SFSWAP: variants seen among roughly 807,000 people sequenced by gnomAD.
SFSWAP encodes the protein splicing factor SWAP.
A neutral mutation model predicts 100.7 loss-of-function variants in SFSWAP; 17 were observed. The ratio of observed to expected loss-of-function variants is 0.17; its 90% CI spans 0.12 to 0.25. SFSWAP has a LOEUF of 0.25. SFSWAP is among the 10% of genes least tolerant of loss of function. The pLI is 1.00. For synonymous variants in SFSWAP, 504 were observed against 510.1 expected (o/e 0.99, Z 0.16); for missense variants, 1,005 against 1,262.6 (o/e 0.80, Z 3.09).
rs930684970 is a variant in SFSWAP, at chr12:131,734,318, G to C, written c.1081+5890G>C. ...AAAGTTACAGACTTTGGATTCTTAC[G>C]AAGACAAGAATGAATGTCTTGGCTA... is the stretch of plus-strand genomic sequence containing the variant. On this transcript the variant is annotated intron_variant, in intron 7 of 17. Transcript: ENST00000261674. This position sits in a 1 kb window ranked among gnomAD's most constrained non-coding sequence, Gnocchi z 4.9. 2.6e-5 allele frequency among the ~76,000 whole-genome samples: 4 copies of C among 152,196 alleles called. No individual in the cohort carries two copies. Among genetic ancestry groups the C allele is most frequent in the Admixed American group, 2.6e-4 (4 of 15,282 alleles).
In SFSWAP at chr12:131,739,882, G is replaced by A. The variant is rs181446734; in HGVS notation, c.1081+11454G>A. Among the ~76,000 whole-genome samples, 975 of 152,070 alleles carry A rather than the reference G, an allele frequency of 6.4e-3. 11 individuals carry two copies. Among genetic ancestry groups the A allele is most frequent in the African/African-American group, 0.021 (866 of 41,504 alleles). On this transcript the variant is annotated intron_variant, in intron 7 of 17. Coordinates refer to ENST00000261674, the MANE Select transcript of SFSWAP (RefSeq NM_004592.4). Reference sequence around the variant, plus strand: ...TTTAGTTTTATGGTTGACTGGATTCGTTTTTTCCCTACAGCTTCTCCTTTT... The same window carrying A: ...TTTAGTTTTATGGTTGACTGGATTCATTTTTTCCCTACAGCTTCTCCTTTT...
chr12:131,721,301 A>G (rs772867038), intron 4 of SFSWAP, among the ~76,000 whole-genome samples: 21 of 152,182 alleles, frequency 1.4e-4, no homozygotes, highest in Non-Finnish European at 1.9e-4. Flanking sequence ...CTATATTACT[A>G]CATATGTTTG....
At chr12:131,750,951 G>T (rs1007724549) in intron 7 of SFSWAP, among the ~76,000 whole-genome samples, 4 of 152,198 alleles carry the variant, frequency 2.6e-5, no homozygotes, top group African/African-American at 9.7e-5. Flanking sequence ...TGGGATTATA[G>T]GTGTGACCCA....
intron 7 of SFSWAP, among the ~76,000 whole-genome samples, chr12:131,736,813 A>C (rs1880066653): frequency 6.6e-6 from 1 of 152,104 alleles, no homozygotes; most frequent in Non-Finnish European, 1.5e-5. Flanking sequence ...AAATAAAAGA[A>C]ATGCAGACAA....
chr12:131,774,002 T>C (rs1433855550), intron 13 of SFSWAP, among the ~76,000 whole-genome samples: 3 of 152,258 alleles, frequency 2.0e-5, no homozygotes, highest in Admixed American at 6.5e-5. Flanking sequence ...GAAGACACTT[T>C]CTCAGGCAGA....
chr12:131,729,533 C>T (rs1566011192), intron 7 of SFSWAP, among the ~76,000 whole-genome samples: 1 of 152,170 alleles, frequency 6.6e-6, no homozygotes, highest in Non-Finnish European at 1.5e-5. Context: ...AGGCTTACAG[C>T]ATAAGTTAAC....
At position 131,755,396 on chromosome 12, in the gene SFSWAP, C is replaced by T. The variant is rs1882062464; in HGVS notation, c.1465C>T (p.Leu489=). The T allele has an allele frequency of 5.0e-6, 8 of 1,613,438 alleles. No homozygotes were observed. In the East Asian group the frequency reaches 6.7e-5, roughly 13 times the overall value. ...RAKNDQRFEF[L]QPWHQYNAYY... Reference sequence around the variant, plus strand: ...TCTTTTTCTGCTCAGATTTGAGTTCCTGCAGCCGTGGCACCAGTATAATGC... The same window carrying T: ...TCTTTTTCTGCTCAGATTTGAGTTCTTGCAGCCGTGGCACCAGTATAATGC... The change falls in exon 10 of 18, where the codon CTG becomes TTG. Residue 489 remains leucine (L), a synonymous_variant. Coordinates refer to ENST00000261674, the MANE Select transcript of SFSWAP (RefSeq NM_004592.4).
In SFSWAP at chr12:131,734,120, A is replaced by G. The variant is rs1411564691; in HGVS notation, c.1081+5692A>G. 1.3e-5 allele frequency among the ~76,000 whole-genome samples: 2 copies of G among 152,208 alleles called. No individual in the cohort carries two copies. The highest frequency in any genetic ancestry group is 1.9e-4 in the East Asian group (1 of 5,178). ...CACCTGCAGCGGAGGCTGGGGAAGC[A>G]TCAGAGCCTCTGCTGTGGTGGACGC... On this transcript the variant is annotated intron_variant, in intron 7 of 17. Coordinates refer to ENST00000261674, the MANE Select transcript of SFSWAP (RefSeq NM_004592.4). The surrounding 1 kb of genome is among the most constrained non-coding windows in gnomAD (Gnocchi z 4.9).
At chr12:131,771,372 T>C (rs1198754615) in intron 13 of SFSWAP, among the ~76,000 whole-genome samples, 2 of 152,220 alleles carry the variant, frequency 1.3e-5, no homozygotes, top group African/African-American at 4.8e-5. Flanking sequence ...TTGTGAACGA[T>C]GCCGCTTTCA....
chr12:131,738,458 T>C (rs537608748), intron 7 of SFSWAP, among the ~76,000 whole-genome samples: 1 of 152,356 alleles, frequency 6.6e-6, no homozygotes, highest in African/African-American at 2.4e-5. Flanking sequence ...TCAATTAAAA[T>C]GTTGGATGTG....
intron 11 of SFSWAP, among the ~76,000 whole-genome samples, chr12:131,762,809 C>T (rs1025316513): frequency 6.6e-6 from 1 of 152,170 alleles, no homozygotes; most frequent in African/African-American, 2.4e-5. Context: ...CCGTGTTGGC[C>T]CTGCTGGTCT....
At chr12:131,769,391 G>A (rs1469180674) in intron 13 of SFSWAP, among the ~76,000 whole-genome samples, 3 of 152,120 alleles carry the variant, frequency 2.0e-5, no homozygotes, top group African/African-American at 7.2e-5. Flanking sequence ...GGGTAAAGGG[G>A]TTAATTGAAA....
At chr12:131,796,885 C>T (rs1045071689) in intron 15 of SFSWAP, 1 of 328,100 alleles carries the variant, frequency 3.0e-6, no homozygotes, top group Non-Finnish European at 5.5e-6. Context: ...TGGCAAAGCA[C>T]TATGAACTGC....
intron 15 of SFSWAP, among the ~76,000 whole-genome samples, chr12:131,787,619 A>G (rs1278319267): frequency 6.6e-6 from 1 of 152,188 alleles, no homozygotes; most frequent in Non-Finnish European, 1.5e-5. Context: ...TGCTAAGTGC[A>G]TGGGGGTCAG....
intron 7 of SFSWAP, among the ~76,000 whole-genome samples, chr12:131,737,156 GGCCCGA>G (rs1249374675): frequency 6.6e-6 from 1 of 152,202 alleles, no homozygotes; most frequent in Non-Finnish European, 1.5e-5. Context: ...GGTGGGCCAG[GGCCCGA>G]GCGCTGCAGG....
At chr12:131,750,729 C>T (rs932881976) in intron 7 of SFSWAP, among the ~76,000 whole-genome samples, 5 of 152,206 alleles carry the variant, frequency 3.3e-5, no homozygotes, top group African/African-American at 1.2e-4. Context: ...CTCACTCCAT[C>T]ACCCAAGCTG....
chr12:131,770,150 G>GTTACCCTTGACTTTACTAA (rs1883468919), intron 13 of SFSWAP, among the ~76,000 whole-genome samples: 2 of 152,202 alleles, frequency 1.3e-5, no homozygotes, highest in African/African-American at 4.8e-5. Context: ...AACAACTTCT[G>GTTACCCTTGACTTTACTAA]GGACAGGTTA....
intron 15 of SFSWAP, among the ~76,000 whole-genome samples, chr12:131,789,550 A>G (rs781046952): frequency 6.6e-6 from 1 of 152,162 alleles, no homozygotes; most frequent in Non-Finnish European, 1.5e-5. Flanking sequence ...AAAAAAGTGT[A>G]CAATAAACAC....
rs1024174676 is a variant in SFSWAP at position 131,725,794 on chromosome 12, G to A, written c.832+164G>A. 6.6e-5 allele frequency among the ~76,000 whole-genome samples: 10 copies of A among 152,172 alleles called. No individual in the cohort carries two copies. Among genetic ancestry groups the A allele is most frequent in the Admixed American group, 2.6e-4 (4 of 15,282 alleles). On this transcript the variant is annotated intron_variant, in intron 5 of 17. Coordinates refer to ENST00000261674, the MANE Select transcript of SFSWAP (RefSeq NM_004592.4). The surrounding 1 kb of genome is among the most constrained non-coding windows in gnomAD (Gnocchi z 4.3). ...GTGTCTGAAATCCTGCAGCTAAGGC[G>A]TGATCGTTACCCCTGCTGGTGCACC...
Sources: gnomAD v4.1 joint callset for allele counts (sites outside exome capture counted in the v4.1 genomes callset) on GRCh38, gnomAD v4.1.1 for gene constraint, Gnocchi (gnomAD v3.1) non-coding constraint, MANE v1.5 for transcripts, NCBI Gene and HGNC (gene_info 2026-07-23, HGNC 2026-07-21) for gene names.